The following GNG2 variants were observed in gnomAD, a reference collection of about 807,000 sequenced individuals.
GNG2 encodes the protein G protein subunit gamma 2.
Under a neutral mutation model 5.5 loss-of-function variants are expected in GNG2, and 5 were observed. The ratio of observed to expected loss-of-function variants is 0.91; its 90% CI spans 0.48 to 1.92. The LOEUF (loss-of-function observed/expected upper bound fraction) is 1.92, where lower values mean the gene tolerates loss of function less well. GNG2 is among the 30% of genes most tolerant of loss of function. The pLI is 0.01. For missense variants in GNG2, 55 were observed against 88.4 expected (o/e 0.62, Z 1.52); for synonymous variants, 28 against 32.0 (o/e 0.88, Z 0.42).
rs117845609 is a variant in GNG2, at chr14:51,883,413, A to G, written c.-30+5756A>G. On this transcript the variant is annotated intron_variant, in intron 2 of 3. Coordinates refer to ENST00000556766, the MANE Select transcript of GNG2 (RefSeq NM_053064.5). ...TGGCATATGCTGCCATGTAACCTTTAATTTCTTAGAAAATATCATGCAAAC... is the reference window on the plus strand; with the variant it reads ...TGGCATATGCTGCCATGTAACCTTTGATTTCTTAGAAAATATCATGCAAAC... Among the ~76,000 whole-genome samples, 1,065 of 152,322 alleles carry G rather than the reference A, an allele frequency of 7.0e-3. 3 individuals carry two copies. Among genetic ancestry groups the G allele is most frequent in the Non-Finnish European group, 0.011 (741 of 68,024 alleles).
At chr14:51,922,062 AG>A (rs140121057) in intron 2 of GNG2, among the ~76,000 whole-genome samples, 122 of 152,376 alleles carry the variant, frequency 8.0e-4, no homozygotes, top group African/African-American at 2.8e-3. Flanking sequence ...TGTTTAATAA[AG>A]AATGAACTAA....
intron 3 of GNG2, among the ~76,000 whole-genome samples, chr14:51,953,687 T>C (rs1438194832): frequency 6.6e-6 from 1 of 152,220 alleles, no homozygotes; most frequent in Non-Finnish European, 1.5e-5. Flanking sequence ...TGACAGATTA[T>C]TTTTAGTTGA....
chr14:51,893,612 A>T (rs1884999559), intron 2 of GNG2, among the ~76,000 whole-genome samples: 1 of 151,754 alleles, frequency 6.6e-6, no homozygotes, highest in South Asian at 2.1e-4. Flanking sequence ...ATTTATTCAC[A>T]TATGTCTGTG....
chr14:51,847,621 A>G (rs1881679140), intron 2 of GNG2, among the ~76,000 whole-genome samples: 1 of 152,218 alleles, frequency 6.6e-6, no homozygotes, highest in Admixed American at 6.5e-5. Context: ...AGGCAGGATA[A>G]TTAGAATCCT....
upstream of GNG2, among the ~76,000 whole-genome samples, chr14:51,858,161 T>C (rs1882247742): frequency 1.3e-5 from 2 of 152,132 alleles, no homozygotes; most frequent in Admixed American, 1.3e-4. Flanking sequence ...ATTAACACTT[T>C]GCAAACTTGG....
chr14:51,902,520 C>T (rs193170658), intron 2 of GNG2, among the ~76,000 whole-genome samples: 192 of 152,324 alleles, frequency 1.3e-3, no homozygotes, highest in African/African-American at 3.9e-3. Flanking sequence ...GTATGAACAA[C>T]TCTTCAACCT....
chr14:51,911,008 G>A (rs989157679), intron 2 of GNG2, among the ~76,000 whole-genome samples: 5 of 152,168 alleles, frequency 3.3e-5, no homozygotes, highest in South Asian at 2.1e-4. Context: ...TGCTACTCAC[G>A]TCAGTTTTGA....
At chr14:51,951,330 TC>T (rs1323840156) in intron 3 of GNG2, among the ~76,000 whole-genome samples, 1 of 152,192 alleles carries the variant, frequency 6.6e-6, no homozygotes, top group East Asian at 1.9e-4. Context: ...TTCCTCTCCC[TC>T]CCCAGACCTA....
intron 2 of GNG2, among the ~76,000 whole-genome samples, chr14:51,929,559 A>G (rs545762432): frequency 6.6e-6 from 1 of 152,322 alleles, no homozygotes; most frequent in East Asian, 1.9e-4. Context: ...CATAAATATA[A>G]GCCGTATGTA....
chr14:51,921,159 C>T (rs1282369363), intron 2 of GNG2, among the ~76,000 whole-genome samples: 1 of 152,072 alleles, frequency 6.6e-6, no homozygotes, highest in Non-Finnish European at 1.5e-5. Context: ...GGTTGAAATC[C>T]CAGCTCTGTC....
chr14:51,922,891 G>A (rs36123684), intron 2 of GNG2, among the ~76,000 whole-genome samples: 7,264 of 152,206 alleles, frequency 0.048, 180 homozygotes, highest in African/African-American at 0.059. Flanking sequence ...GCAGGGTGGG[G>A]GCAGAGGAGA....
rs1253692 is a variant in GNG2 at position 51,908,594 on chromosome 14, G to C, written c.-30+30937G>C. 1.8e-4 allele frequency among the ~76,000 whole-genome samples: 27 copies of C among 151,536 alleles called. No homozygotes were observed. The East Asian group carries it at 5.2e-3, about 29-fold the overall frequency. On this transcript the variant is annotated intron_variant, in intron 2 of 3. Coordinates refer to ENST00000556766, the MANE Select transcript of GNG2 (RefSeq NM_053064.5). ...TATAGAGAGAGAGAGAGAGAAGAGAGTGTCTCGCTCTGTCACCCAGGCTGG... is the reference window on the plus strand; with the variant it reads ...TATAGAGAGAGAGAGAGAGAAGAGACTGTCTCGCTCTGTCACCCAGGCTGG...
At chr14:51,877,521 G>A (rs759300117) in intron 1 of GNG2, 96 bp from the exon 2 acceptor site, 8 of 433,702 alleles carry the variant, frequency 1.8e-5, no homozygotes, top group Admixed American at 5.0e-5. Context: ...ACCCACCCCC[G>A]TTTCAGAAAC....
intron 2 of GNG2, among the ~76,000 whole-genome samples, chr14:51,836,115 T>C (rs1010989412): frequency 6.6e-6 from 1 of 151,822 alleles, no homozygotes; most frequent in Non-Finnish European, 1.5e-5. Flanking sequence ...TGTCTTCTCA[T>C]TGTACCTTCA....
intron 2 of GNG2, among the ~76,000 whole-genome samples, chr14:51,854,590 A>C (rs997752593): frequency 4.0e-5 from 6 of 150,860 alleles, no homozygotes; most frequent in Non-Finnish European, 7.4e-5. Context: ...GCTCACTGCA[A>C]CCTCCTCCTC....
chr14:51,908,869 G>A (rs1008749532), intron 2 of GNG2, among the ~76,000 whole-genome samples: 4 of 149,738 alleles, frequency 2.7e-5, no homozygotes, highest in African/African-American at 7.4e-5. Context: ...ATGAGCCACC[G>A]CACCCAGCCT....
intron 2 of GNG2, among the ~76,000 whole-genome samples, chr14:51,938,712 G>T (rs1888150931): frequency 6.6e-6 from 1 of 152,144 alleles, no homozygotes. Context: ...CACACAAGGG[G>T]GTGGAAGAGG....
chr14:51,895,713 CTA>C (rs1217817738), intron 2 of GNG2, among the ~76,000 whole-genome samples: 1 of 152,226 alleles, frequency 6.6e-6, no homozygotes, highest in Non-Finnish European at 1.5e-5. Context: ...TATGGTTTGG[CTA>C]TGTGTCCCCA....
At chr14:51,966,231 A>AAAAC in intron 3 of GNG2, among the ~76,000 whole-genome samples, 1 of 108,576 alleles carries the variant, frequency 9.2e-6, no homozygotes, top group Admixed American at 1.1e-4. Flanking sequence ...AAAAAAAAAA[A>AAAAC]AAAAAACAAA....
Sources: gnomAD v4.1 joint callset for allele counts (sites outside exome capture counted in the v4.1 genomes callset) on GRCh38, gnomAD v4.1.1 for gene constraint, MANE v1.5 for transcripts, NCBI Gene and HGNC (gene_info 2026-07-23, HGNC 2026-07-21) for gene names.